The following KCND3 variants were observed in gnomAD, a reference collection of about 807,000 sequenced individuals.
KCND3 encodes A-type voltage-gated potassium channel KCND3.
A neutral mutation model predicts 51.1 loss-of-function variants in KCND3; 9 were observed. That is an observed-to-expected ratio of 0.18 (90% CI 0.11 to 0.31). The LOEUF is 0.31. KCND3 is among the 10% of genes least tolerant of loss of function. The pLI is 1.00. For missense variants in KCND3, 526 were observed against 903.8 expected, an observed-to-expected ratio of 0.58 and a Z score of 5.36; for synonymous variants, 349 against 368.0, an observed-to-expected ratio of 0.95 and a Z score of 0.59.
chr1:111,814,462 G>T (rs1277784235), intron 2 of KCND3, among the ~76,000 whole-genome samples: 2 of 152,222 alleles, frequency 1.3e-5, no homozygotes, highest in African/African-American at 4.8e-5. Context: ...CAAGACCTGG[G>T]TGTATCCTGA....
At chr1:111,967,512 G>A (rs1812115) in intron 2 of KCND3, among the ~76,000 whole-genome samples, 29,666 of 152,212 alleles carry the variant, frequency 0.19, 3,174 homozygotes, top group Middle Eastern at 0.27. Context: ...CCAGCTCACC[G>A]TCAAGTACCC....
In KCND3 at chr1:111,981,976, G is replaced by A. The variant is rs1287933119; in HGVS notation, c.751C>T (p.Arg251Cys). 1 of 1,614,024 alleles carries A rather than the reference G, an allele frequency of 6.2e-7. No homozygotes were observed. Among genetic ancestry groups the A allele is most frequent in the Non-Finnish European group, 8.5e-7 (1 of 1,180,022 alleles). The change falls in exon 2 of 8, where the codon CGC (arginine) becomes TGC (cysteine). Residue 251 changes from arginine to cysteine, a missense_variant. Transcript: ENST00000302127. This position sits in a 1 kb window ranked among gnomAD's most constrained non-coding sequence, Gnocchi z 6.2. Reference sequence around the variant, plus strand: ...ATGACGCTGCGGATGAAGCGGTAGCGGCTGGGAGCCGCGAAGAGCCGCAGG... The same window carrying A: ...ATGACGCTGCGGATGAAGCGGTAGCAGCTGGGAGCCGCGAAGAGCCGCAGG... The part of the protein sequence containing the change: ...YLLRLFAAPS[R>C]YRFIRSVMSI...
intron 5 of KCND3, 145 bp from the exon 6 acceptor site, chr1:111,778,637 C>T (rs1222100886): frequency 1.9e-5 from 15 of 794,472 alleles, no homozygotes; most frequent in East Asian, 5.3e-5. Context: ...CAGCATTCTG[C>T]CCCCTTCCTC....
intron 2 of KCND3, among the ~76,000 whole-genome samples, chr1:111,980,819 G>A (rs1674907981): frequency 6.6e-6 from 1 of 152,144 alleles, no homozygotes; most frequent in Non-Finnish European, 1.5e-5. Context: ...TGTGACCTCA[G>A]CTGGAGAGGA....
At chr1:111,874,791 C>T (rs2101723023) in intron 2 of KCND3, among the ~76,000 whole-genome samples, 1 of 152,248 alleles carries the variant, frequency 6.6e-6, no homozygotes, top group South Asian at 2.1e-4. Context: ...CAGCCTGGCA[C>T]CCACTGACTG....
intron 2 of KCND3, among the ~76,000 whole-genome samples, chr1:111,907,962 A>AATTC (rs1158270721): frequency 6.6e-6 from 1 of 152,178 alleles, no homozygotes; most frequent in Non-Finnish European, 1.5e-5. Flanking sequence ...TTCTACTTGA[A>AATTC]ATTCATTCAT....
At chr1:111,829,845 C>T (rs540961725) in intron 2 of KCND3, among the ~76,000 whole-genome samples, 2 of 152,208 alleles carry the variant, frequency 1.3e-5, no homozygotes, top group African/African-American at 2.4e-5. Flanking sequence ...GCCCAAATCA[C>T]AGTAGACCCG....
intron 2 of KCND3, among the ~76,000 whole-genome samples, chr1:111,942,305 T>C (rs1672561321): frequency 6.6e-6 from 1 of 152,234 alleles, no homozygotes; most frequent in South Asian, 2.1e-4. Flanking sequence ...CTGTGGGGCT[T>C]GCACTTTTGT....
chr1:111,969,959 C>T (rs1040371014), intron 2 of KCND3, among the ~76,000 whole-genome samples: 3 of 152,178 alleles, frequency 2.0e-5, no homozygotes, highest in Admixed American at 2.0e-4. Context: ...ACTGTCTCTC[C>T]TCTTACCAGC....
At chr1:111,781,083 T>C (rs1394340084) in intron 3 of KCND3, among the ~76,000 whole-genome samples, 1 of 152,212 alleles carries the variant, frequency 6.6e-6, no homozygotes, top group Non-Finnish European at 1.5e-5. Flanking sequence ...ATCTACTCAG[T>C]ATTGCAAAAT....
intron 2 of KCND3, among the ~76,000 whole-genome samples, chr1:111,804,911 C>A (rs1665490682): frequency 6.6e-6 from 1 of 152,228 alleles, no homozygotes; most frequent in Admixed American, 6.5e-5. Context: ...AGGGCGGATG[C>A]TGCATGCAGG....
chr1:111,904,982 G>A (rs1670576247), intron 2 of KCND3, among the ~76,000 whole-genome samples: 1 of 152,160 alleles, frequency 6.6e-6, no homozygotes, highest in Non-Finnish European at 1.5e-5. Flanking sequence ...TGATGGAGGG[G>A]GAGACAGCCT....
At chr1:111,951,485 T>C (rs1404008250) in intron 2 of KCND3, among the ~76,000 whole-genome samples, 1 of 152,108 alleles carries the variant, frequency 6.6e-6, no homozygotes, top group Admixed American at 6.5e-5. Context: ...AGGGGTTGGA[T>C]GGGTGGAGTA....
chr1:111,823,289 A>G (rs2101602281), intron 2 of KCND3, among the ~76,000 whole-genome samples: 1 of 152,248 alleles, frequency 6.6e-6, no homozygotes, highest in Admixed American at 6.5e-5. Context: ...GTCTTTTCTT[A>G]TCTAAATTTC....
chr1:111,783,199 C>CAAAAAAAA (rs67241053), intron 3 of KCND3, among the ~76,000 whole-genome samples: 15 of 72,332 alleles, frequency 2.1e-4, no homozygotes, highest in African/African-American at 3.1e-4. Context: ...AATTCAAAGA[C>CAAAAAAAA]AAAAAAAAAA....
At chr1:111,852,872 G>A (rs1021905099) in intron 2 of KCND3, among the ~76,000 whole-genome samples, 11 of 152,118 alleles carry the variant, frequency 7.2e-5, no homozygotes, top group African/African-American at 1.7e-4. Context: ...CGCTCTGCCC[G>A]TGCTTCCTCC....
chr1:111,888,907 C>T (rs943803973), intron 2 of KCND3, among the ~76,000 whole-genome samples: 1 of 152,058 alleles, frequency 6.6e-6, no homozygotes, highest in African/African-American at 2.4e-5. Flanking sequence ...GAAGCCCCTC[C>T]TGCTGTCTGA....
intron 2 of KCND3, among the ~76,000 whole-genome samples, chr1:111,797,571 G>C (rs2101534972): frequency 1.3e-5 from 2 of 152,308 alleles, no homozygotes; most frequent in Middle Eastern, 3.4e-3. Context: ...AAATCCTGAT[G>C]ATGGTCCAAT....
intron 2 of KCND3, among the ~76,000 whole-genome samples, chr1:111,917,721 C>T (rs898180397): frequency 2.0e-5 from 3 of 152,156 alleles, no homozygotes; most frequent in Non-Finnish European, 2.9e-5. Context: ...TTATCTTCAT[C>T]CTAAGGATGG....
Sources: gnomAD v4.1 joint callset for allele counts (sites outside exome capture counted in the v4.1 genomes callset) on GRCh38, gnomAD v4.1.1 for gene constraint, Gnocchi (gnomAD v3.1) non-coding constraint, MANE v1.5 for transcripts, NCBI Gene and HGNC (gene_info 2026-07-23, HGNC 2026-07-21) for gene names.